Variants in DAAM2 observed in about 807,000 individuals in gnomAD.
DAAM2 encodes disheveled-associated activator of morphogenesis 2.
In DAAM2, 39 loss-of-function variants were observed where a neutral mutation model predicts 120.7. The observed-to-expected ratio is 0.32, with a 90% CI of 0.25 to 0.42. The LOEUF (loss-of-function observed/expected upper bound fraction) is 0.42, where lower values mean the gene tolerates loss of function less well. Among genes scored for constraint, DAAM2 ranks in the 10% least tolerant of loss-of-function variants. The pLI, the probability that DAAM2 is intolerant of heterozygous loss-of-function variation, is 1.00. For missense variants in DAAM2, 1,283 were observed against 1,401.7 expected (o/e 0.92, Z 1.35); for synonymous variants, 488 against 524.9 (o/e 0.93, Z 0.96).
At chr6:39,892,061 C>T (rs1316646666) in intron 19 of DAAM2, among the ~76,000 whole-genome samples, 1 of 152,134 alleles carries the variant, frequency 6.6e-6, no homozygotes, top group Non-Finnish European at 1.5e-5. Flanking sequence ...GGACTGAGCT[C>T]ATCAGTCTTT....
intron 1 of DAAM2, among the ~76,000 whole-genome samples, chr6:39,834,352 CTGTT>C (rs890955263): frequency 2.6e-5 from 4 of 152,158 alleles, no homozygotes; most frequent in Non-Finnish European, 5.9e-5. Context: ...TTTTCACTAA[CTGTT>C]TGGGTGACTG....
chr6:39,822,527 A>C (rs9471173), intron 1 of DAAM2: 36,178 of 152,176 alleles, frequency 0.24, 4,443 homozygotes, highest in South Asian at 0.36. Flanking sequence ...ATTTTTGAAA[A>C]GTAACAATAA....
chr6:39,800,241 CG>C (rs1329196597), intron 1 of DAAM2, among the ~76,000 whole-genome samples: 3 of 152,138 alleles, frequency 2.0e-5, no homozygotes, highest in African/African-American at 7.2e-5. Context: ...TCTTAGGCTG[CG>C]TGACGGATGT....
rs190456250 is a variant in DAAM2 at position 39,866,461 on chromosome 6, A to G, written c.429-1049A>G. Among the ~76,000 whole-genome samples the G allele has an allele frequency of 2.9e-3, 448 of 152,338 alleles. 1 individual carries two copies. The highest frequency in any genetic ancestry group is 9.9e-3 in the African/African-American group (412 of 41,568). On this transcript the variant is annotated intron_variant, in intron 5 of 24. Coordinates refer to ENST00000274867, the MANE Select transcript of DAAM2 (RefSeq NM_001201427.2). ...TAACATAAACACAAATACGCTTGGG[A>G]TAAGTAATGTTATTTATAATAATTT... is the stretch of plus-strand genomic sequence containing the variant.
chr6:39,870,416 G>A lies in DAAM2; in HGVS notation c.950G>A (p.Arg317Gln), dbSNP rs768996183. Reference sequence around the variant, plus strand: ...ATACAGCCTGTGATTGACAAGCTCCGGCAACATGAAAATGCCATCCTGGAC... The same window carrying A: ...ATACAGCCTGTGATTGACAAGCTCCAGCAACATGAAAATGCCATCCTGGAC... ...LGIQPVIDKL[R>Q]QHENAILDKH... The change falls in exon 8 of 25, where the codon CGG becomes CAG. Residue 317 changes from arginine (R) to glutamine (Q), a missense_variant. By Grantham distance (43) the Arg-to-Gln change is conservative. Around this residue, in one of 3 missense-constraint regions of DAAM2, gnomAD observed 338 missense variants for 443.9 expected, o/e 0.76. Transcript: ENST00000274867. 17 of 1,582,916 alleles carry A rather than the reference G, an allele frequency of 1.1e-5. No homozygotes were observed. Among genetic ancestry groups the A allele is most frequent in the Non-Finnish European group, 1.4e-5 (16 of 1,163,210 alleles).
Position 39,878,337 on chromosome 6 carries a change from C to G in DAAM2, c.1361-67C>G. 6.2e-7 allele frequency: 1 copy of G among 1,608,576 alleles called. No individual in the cohort carries two copies. On this transcript the variant is annotated intron_variant, in intron 12 of 24. Transcript: ENST00000274867. This position sits in a 1 kb window ranked among gnomAD's most constrained non-coding sequence, Gnocchi z 5.0. ...CCCAGCCCATAACTCCATGCCCTTC[C>G]AGGCAGGGAGTCACATTACTCACAT...
intron 1 of DAAM2, among the ~76,000 whole-genome samples, chr6:39,842,564 C>T (rs953750183): frequency 9.2e-5 from 14 of 152,026 alleles, no homozygotes; most frequent in Non-Finnish European, 1.9e-4. Flanking sequence ...ACCCGGGAGG[C>T]GGAGGTTGCA....
chr6:39,802,481 C>T (rs1256564861), intron 1 of DAAM2, among the ~76,000 whole-genome samples: 2 of 152,170 alleles, frequency 1.3e-5, no homozygotes, highest in Non-Finnish European at 2.9e-5. Context: ...GAAATCATGT[C>T]TGGCACATAG....
chr6:39,848,659 C>T (rs2149268847), intron 1 of DAAM2: 1 of 152,304 alleles, frequency 6.6e-6, no homozygotes, highest in South Asian at 2.1e-4. Context: ...CTTTCTTTGC[C>T]TTTTCCAGAG....
In DAAM2 at chr6:39,886,469, G is replaced by A. The variant is rs540703298; in HGVS notation, c.1954-1017G>A. ...GCAGGTGAGTTACTCTCGGGGCTCT[G>A]ACCACTCCAACTTTTAACTGCTGTC... is the stretch of plus-strand genomic sequence containing the variant. On this transcript the variant is annotated intron_variant, in intron 15 of 24. Coordinates refer to ENST00000274867, the MANE Select transcript of DAAM2 (RefSeq NM_001201427.2). 557 of 399,366 alleles carry A rather than the reference G, an allele frequency of 1.4e-3. 6 individuals are homozygous for A. Among genetic ancestry groups the A allele is most frequent in the African/African-American group, 0.011 (513 of 48,728 alleles). The allele number at this position is 399,366 out of a possible 1,614,324, so 24.7% of individuals were successfully genotyped here. A position where few individuals can be genotyped will look rare whatever the true frequency, so the allele number is the denominator to read the frequency against.
At chr6:39,882,185 G>T (rs1375141626) in intron 14 of DAAM2, 1 of 152,208 alleles carries the variant, frequency 6.6e-6, no homozygotes, top group Non-Finnish European at 1.5e-5. Flanking sequence ...TGCAAGGTGG[G>T]CACATCAGGG....
intron 14 of DAAM2, chr6:39,883,692 C>A: frequency 2.7e-6 from 1 of 375,686 alleles, no homozygotes; most frequent in East Asian, 4.3e-5. Context: ...CCTACCCATC[C>A]CCCCAGCACC....
chr6:39,847,332 G>A (rs981711744), intron 1 of DAAM2, among the ~76,000 whole-genome samples: 1 of 152,156 alleles, frequency 6.6e-6, no homozygotes, highest in Admixed American at 6.5e-5. Flanking sequence ...TGGGAGAGCT[G>A]GGAGTGGAGC....
intron 14 of DAAM2, among the ~76,000 whole-genome samples, chr6:39,882,491 C>A (rs778449836): frequency 5.3e-5 from 8 of 152,072 alleles, no homozygotes; most frequent in Non-Finnish European, 1.0e-4. Flanking sequence ...TTTACCTCTG[C>A]AGGCTTCTCT....
chr6:39,817,875 T>C (rs189281201), intron 1 of DAAM2, among the ~76,000 whole-genome samples: 59 of 152,206 alleles, frequency 3.9e-4, no homozygotes, highest in Non-Finnish European at 7.8e-4. Context: ...GTTCATCTCA[T>C]GTTAAAAAAA....
intron 19 of DAAM2, among the ~76,000 whole-genome samples, chr6:39,892,930 GGAAA>G (rs559629098): frequency 7.0e-4 from 106 of 152,258 alleles, no homozygotes; most frequent in African/African-American, 2.5e-3. Flanking sequence ...CAATCAAGAG[GGAAA>G]GAGAGCAGCA....
chr6:39,793,721 G>A (rs911499887), intron 1 of DAAM2, among the ~76,000 whole-genome samples: 1 of 152,198 alleles, frequency 6.6e-6, no homozygotes, highest in African/African-American at 2.4e-5. Context: ...GTGCTCCACG[G>A]AGAGTAGGGG....
At position 39,856,358 on chromosome 6, in the gene DAAM2, G is replaced by A. The variant is rs751949763; in HGVS notation, c.56G>A (p.Gly19Asp). 1.3e-6 allele frequency: 2 copies of A among 1,553,956 alleles called. No homozygotes were observed. Among genetic ancestry groups the A allele is most frequent in the Non-Finnish European group, 8.7e-7 (1 of 1,149,698 alleles). ...HGLGFLCCFG[G>D]SDIPEINLRD... ...CTGGGCTTCCTGTGCTGCTTCGGGG[G>A]CAGTGACATCCCCGAAATCAACCTC... The change falls in exon 2 of 25, where the codon GGC becomes GAC. Residue 19 changes from glycine to aspartate, a missense_variant. Transcript: ENST00000274867.
chr6:39,887,439 A>T, intron 15 of DAAM2, 47 bp from the exon 16 acceptor site: 2 of 1,424,580 alleles, frequency 1.4e-6, no homozygotes, highest in South Asian at 1.2e-5. Flanking sequence ...TAAGAGGAGG[A>T]TTAGGGAACC....
Sources: gnomAD v4.1 joint callset for allele counts (sites outside exome capture counted in the v4.1 genomes callset) on GRCh38, gnomAD v4.1.1 for gene constraint, gnomAD v4.1.1 regional missense constraint, Gnocchi (gnomAD v3.1) non-coding constraint, MANE v1.5 for transcripts, NCBI Gene and HGNC (gene_info 2026-07-23, HGNC 2026-07-21) for gene names.